The following POLH variants were observed in gnomAD, a reference collection of about 807,000 sequenced individuals.
The protein encoded by POLH is DNA polymerase eta transcript.
POLH carries 53 observed loss-of-function variants against 73.6 expected under a neutral mutation model. The ratio of observed to expected loss-of-function variants is 0.72; its 90% CI spans 0.58 to 0.91. The LOEUF (loss-of-function observed/expected upper bound fraction) is 0.91. POLH is among the 40% of genes least tolerant of loss of function. The probability of loss-of-function intolerance (pLI) is 0.00; values close to 1 mark genes in which losing one functional copy is unlikely to be tolerated. For synonymous variants in POLH, 292 were observed against 308.5 expected (o/e 0.95, Z 0.56); for missense variants, 768 against 865.4 (o/e 0.89, Z 1.41).
In POLH at chr6:43,605,819, G is replaced by C. The variant is rs571282170; in HGVS notation, c.1074+500G>C. Among the ~76,000 whole-genome samples the C allele has an allele frequency of 4.6e-5, 7 of 152,092 alleles. No individual in the cohort carries two copies. In the Middle Eastern group the frequency reaches 0.014, roughly 296 times the overall value. ...CTGCAACCTCCGCCTCTGGGTTCAAGTGATTCTCCTGCCTCACCTTCCCAA... is the reference window on the plus strand; with the variant it reads ...CTGCAACCTCCGCCTCTGGGTTCAACTGATTCTCCTGCCTCACCTTCCCAA... On this transcript the variant is annotated intron_variant, in intron 9 of 10. Transcript: ENST00000372236.
In POLH at chr6:43,614,055, C is replaced by G. The variant is rs1467063187; in HGVS notation, c.1640C>G (p.Ser547Cys). 1 of 1,614,070 alleles carries G rather than the reference C, an allele frequency of 6.2e-7. No individual in the cohort carries two copies. Among genetic ancestry groups the G allele is most frequent in the African/African-American group, 1.3e-5 (1 of 74,930 alleles). Residue 547 changes from serine to cysteine, a missense_variant, in exon 11 of 11, where the codon TCT becomes TGT. By Grantham distance (112) the Ser-to-Cys change is moderately radical. Transcript: ENST00000372236. ...LLLKQKQLNN[S>C]SVSSPQQNPW... ...CTAAAGCAGAAACAGCTTAATAATT[C>G]TTCAGTTTCTTCCCCCCAACAAAAC...
chr6:43,578,524 CAA>C (rs958009215), intron 1 of POLH: 644 of 246,286 alleles, frequency 2.6e-3, no homozygotes, highest in South Asian at 4.9e-3. Flanking sequence ...GACTTTGTCT[CAA>C]AAAAAAAAAA....
rs749798864 is a variant in POLH at position 43,614,336 on chromosome 6, C to A, written c.1921C>A (p.Leu641Met). ...AGTGCCCTGTGAGAAGTGTGGCTCCCTGGTACCGGTATGGGATATGCCAGA... is the reference window on the plus strand; with the variant it reads ...AGTGCCCTGTGAGAAGTGTGGCTCCATGGTACCGGTATGGGATATGCCAGA... ...DQVPCEKCGSLVPVWDMPEHM... is the reference protein window; with the variant it reads ...DQVPCEKCGSMVPVWDMPEHM... The change falls in exon 11 of 11, where the codon CTG (leucine) becomes ATG (methionine). Residue 641 changes from leucine (L) to methionine (M), a missense_variant. Leu to Met is a conservative substitution (Grantham distance 15, BLOSUM62 2). Coordinates refer to ENST00000372236, the MANE Select transcript of POLH (RefSeq NM_006502.3). The A allele has an allele frequency of 1.2e-6, 2 of 1,606,518 alleles. No homozygotes were observed. The highest frequency in any genetic ancestry group is 1.7e-6 in the Non-Finnish European group (2 of 1,174,294).
chr6:43,608,386 T>C (rs560578427), intron 9 of POLH, among the ~76,000 whole-genome samples: 1 of 152,348 alleles, frequency 6.6e-6, no homozygotes, highest in African/African-American at 2.4e-5. Context: ...TTAGCTGGAA[T>C]GGGTGGTAAA....
Position 43,619,716 on chromosome 6 carries a change from G to C in POLH, c.*5159G>C, listed in dbSNP as rs146552671. Reference sequence around the variant, plus strand: ...TCTTTACAATACAGGCAAAAGATAAGTAAATTGTGGACAAAGCTTTCATCT... The same window carrying C: ...TCTTTACAATACAGGCAAAAGATAACTAAATTGTGGACAAAGCTTTCATCT... On this transcript the variant is annotated 3_prime_UTR_variant, in exon 11 of 11. Coordinates refer to ENST00000372236, the MANE Select transcript of POLH (RefSeq NM_006502.3). 4.6e-5 allele frequency among the ~76,000 whole-genome samples: 7 copies of C among 152,322 alleles called. No individual in the cohort carries two copies. The East Asian group carries it at 1.3e-3, about 29-fold the overall frequency.
chr6:43,614,694 G>C lies in POLH; in HGVS notation c.*137G>C. On this transcript the variant is annotated 3_prime_UTR_variant, in exon 11 of 11. Transcript: ENST00000372236. Reference sequence around the variant, plus strand: ...AATACAAAAAATAATCCATTTAGGTGCTGAGTTACGGTCCCATCTCTTCAC... The same window carrying C: ...AATACAAAAAATAATCCATTTAGGTCCTGAGTTACGGTCCCATCTCTTCAC... 1.3e-6 allele frequency: 1 copy of C among 758,792 alleles called. No individual in the cohort carries two copies. The highest frequency in any genetic ancestry group is 2.1e-6 in the Non-Finnish European group (1 of 477,988). 47.0% of individuals were successfully genotyped at this position (758,792 alleles called of 1,614,324 possible).
Position 43,605,287 on chromosome 6 carries a change from C to CG in POLH, c.1042_1043insG (p.Leu348ArgfsTer7). 1 of 1,597,770 alleles carries CG rather than the reference C, an allele frequency of 6.3e-7. No individual in the cohort carries two copies. The highest frequency in any genetic ancestry group is 8.6e-7 in the Non-Finnish European group (1 of 1,165,508). ...GTGGCTGTTGCAATTAGCCCAGGAA[C>CG]TAGAGGAGAGACTGACTAAAGACCG... On this transcript the variant is annotated frameshift_variant, in exon 9 of 11. Transcript: ENST00000372236. LOFTEE classifies it high-confidence loss of function.
At chr6:43,579,336 C>A (rs537368590) in intron 1 of POLH, among the ~76,000 whole-genome samples, 22 of 152,304 alleles carry the variant, frequency 1.4e-4, no homozygotes, top group Middle Eastern at 3.4e-3. Flanking sequence ...TGCTGGGTTT[C>A]CCCAGTCTAT....
At chr6:43,579,212 TC>T (rs1337374930) in intron 1 of POLH, among the ~76,000 whole-genome samples, 6 of 152,128 alleles carry the variant, frequency 3.9e-5, no homozygotes, top group African/African-American at 1.2e-4. Context: ...ACTCTAATCT[TC>T]CCCTGCCTTT....
At chr6:43,577,616 T>G (rs562273577) in intron 1 of POLH, among the ~76,000 whole-genome samples, 8 of 152,252 alleles carry the variant, frequency 5.3e-5, no homozygotes, top group Non-Finnish European at 2.9e-5. Flanking sequence ...AAGACGTTTT[T>G]TTTTTCAAGG....
rs56307355 is a variant in POLH at position 43,614,018 on chromosome 6, A to C, written c.1603A>C (p.Lys535Gln). The change falls in exon 11 of 11, where the codon AAA becomes CAA. Residue 535 changes from lysine (K) to glutamine (Q), a missense_variant. By Grantham distance (53) the Lys-to-Gln change is moderately conservative. Coordinates refer to ENST00000372236, the MANE Select transcript of POLH (RefSeq NM_006502.3). ...STGTEPFFKQ[K>Q]SLLLKQKQLN... ...AGGAACTGAGCCCTTCTTTAAGCAG[A>C]AAAGTCTGCTTCTAAAGCAGAAACA... The C allele has an allele frequency of 1.9e-6, 3 of 1,614,140 alleles. No individual in the cohort carries two copies. The highest frequency in any genetic ancestry group is 1.7e-5 in the Admixed American group (1 of 60,028).
rs917314396 is a variant in POLH, at chr6:43,620,029, G to A, written c.*5472G>A. 1 of 274,984 alleles carries A rather than the reference G, an allele frequency of 3.6e-6. No individual in the cohort carries two copies. The highest frequency in any genetic ancestry group is 7.0e-6 in the Non-Finnish European group (1 of 142,450). 17.0% of individuals were successfully genotyped at this position (274,984 alleles called of 1,614,324 possible). On this transcript the variant is annotated 3_prime_UTR_variant, in exon 11 of 11. Coordinates refer to ENST00000372236, the MANE Select transcript of POLH (RefSeq NM_006502.3). ...ATCAAGTAGTATGAACATGGAAACA[G>A]GAGCAGGGACTAAGGTTTGGTCAAG...
intron 1 of POLH, among the ~76,000 whole-genome samples, chr6:43,580,911 C>T (rs1278049188): frequency 1.0e-4 from 15 of 150,402 alleles, no homozygotes; most frequent in Admixed American, 7.2e-4. Flanking sequence ...CCACCTCCCT[C>T]CCGGACGGCA....
At chr6:43,606,455 G>A (rs550826128) in intron 9 of POLH, among the ~76,000 whole-genome samples, 1 of 150,560 alleles carries the variant, frequency 6.6e-6, no homozygotes, top group Admixed American at 6.6e-5. Flanking sequence ...TTGAGACTGA[G>A]TTTCGCTCTA....
At chr6:43,594,630 C>G (rs1191958397) in intron 4 of POLH, among the ~76,000 whole-genome samples, 1 of 152,180 alleles carries the variant, frequency 6.6e-6, no homozygotes, top group Admixed American at 6.5e-5. Context: ...TTGCTTGAAC[C>G]TGGGAGGTGG....
rs1389957965 is a variant in POLH at position 43,617,818 on chromosome 6, G to A, written c.*3261G>A. On this transcript the variant is annotated 3_prime_UTR_variant, in exon 11 of 11. Transcript: ENST00000372236. ...CGCCTGTAGTCCCAGCTACTTGGGA[G>A]GCTGAGGCAGAAGAATTGCTTGACC... 2.6e-5 allele frequency among the ~76,000 whole-genome samples: 4 copies of A among 152,266 alleles called. No homozygotes were observed. Among genetic ancestry groups the A allele is most frequent in the East Asian group, 1.9e-4 (1 of 5,166 alleles).
At position 43,599,440 on chromosome 6, in the gene POLH, A is replaced by G. The variant is rs112839787; in HGVS notation, c.661-1548A>G. ...TATTTTAATTTAGGGTACACAGACA[A>G]TTCTCAACAATCCAGGAGCAGAATA... On this transcript the variant is annotated intron_variant, in intron 5 of 10. Coordinates refer to ENST00000372236, the MANE Select transcript of POLH (RefSeq NM_006502.3). Among the ~76,000 whole-genome samples, 56 of 152,306 alleles carry G rather than the reference A, an allele frequency of 3.7e-4. 1 individual carries two copies. The highest frequency in any genetic ancestry group is 3.4e-3 in the Middle Eastern group (1 of 294).
At chr6:43,590,450 T>G (rs538694708) in intron 4 of POLH, among the ~76,000 whole-genome samples, 121 of 146,418 alleles carry the variant, frequency 8.3e-4, no homozygotes, top group African/African-American at 2.7e-3. Flanking sequence ...AGAATGAGGG[T>G]TTTTTTTTTG....
intron 4 of POLH, among the ~76,000 whole-genome samples, chr6:43,594,945 G>A (rs9333532): frequency 0.012 from 1,725 of 149,890 alleles, 39 homozygotes; most frequent in African/African-American, 0.041. Flanking sequence ...AAGGCTGGGG[G>A]CTGGGGAGGT....
Sources: allele counts gnomAD v4.1 joint callset (sites outside exome capture counted in the v4.1 genomes callset), GRCh38; gene constraint gnomAD v4.1.1; transcripts MANE v1.5; gene names NCBI Gene and HGNC (gene_info 2026-07-23, HGNC 2026-07-21).